EPHB1: variants seen among roughly 807,000 people sequenced by gnomAD.
EPHB1 encodes the protein EPH receptor B1.
In EPHB1, 30 loss-of-function variants were observed where a neutral mutation model predicts 94.4. That is an observed-to-expected ratio of 0.32 (90% CI 0.24 to 0.43). EPHB1 has a LOEUF of 0.43. Among genes scored for constraint, EPHB1 ranks in the 20% least tolerant of loss-of-function variants. The pLI, the probability that EPHB1 is intolerant of heterozygous loss-of-function variation, is 1.00. For missense variants in EPHB1, 1,055 were observed against 1,308.3 expected (o/e 0.81, Z 2.99); for synonymous variants, 522 against 489.1 (o/e 1.07, Z -0.89).
intron 1 of EPHB1, among the ~76,000 whole-genome samples, chr3:134,912,001 G>C (rs914735598): frequency 1.3e-5 from 2 of 152,210 alleles, no homozygotes; most frequent in Non-Finnish European, 2.9e-5. Flanking sequence ...AGGACTGAGG[G>C]CCCAGGAGGG....
chr3:134,827,363 G>GCACACACA (rs61002729), intron 1 of EPHB1, among the ~76,000 whole-genome samples: 3 of 150,770 alleles, frequency 2.0e-5, no homozygotes, highest in African/African-American at 4.9e-5. Context: ...GGGTGCGCGT[G>GCACACACA]CACACACACA....
At chr3:134,978,017 G>A (rs1235018315) in intron 3 of EPHB1, 1 of 455,356 alleles carries the variant, frequency 2.2e-6, no homozygotes, top group Admixed American at 2.4e-5. Context: ...CATTGGAGGA[G>A]CCTGGTATTT....
At chr3:134,893,228 T>C (rs1391891845) in intron 1 of EPHB1, among the ~76,000 whole-genome samples, 1 of 152,166 alleles carries the variant, frequency 6.6e-6, no homozygotes, top group Non-Finnish European at 1.5e-5. Flanking sequence ...TATAAAACCT[T>C]TTTTGTTTGT....
intron 3 of EPHB1, among the ~76,000 whole-genome samples, chr3:135,005,831 C>T (rs1165794238): frequency 3.5e-4 from 53 of 152,316 alleles, no homozygotes; most frequent in Non-Finnish European, 6.5e-4. Flanking sequence ...GCACGGTGCA[C>T]GCACCCACTG....
chr3:135,192,784 A>C lies in EPHB1; in HGVS notation c.2091A>C (p.Thr697=). 1 of 1,614,184 alleles carries C rather than the reference A, an allele frequency of 6.2e-7. No individual in the cohort carries two copies. Among genetic ancestry groups the C allele is most frequent in the Non-Finnish European group, 8.5e-7 (1 of 1,180,022 alleles). The change falls in exon 11 of 16, where the codon ACA becomes ACC. Residue 697 remains threonine (T), a synonymous_variant. Transcript: ENST00000398015. ...VTKSRPVMII[T]EFMENGALDS... ...AGAGTCGGCCTGTCATGATCATCACAGAGTTCATGGAGAATGGTGCATTGG... is the reference window on the plus strand; with the variant it reads ...AGAGTCGGCCTGTCATGATCATCACCGAGTTCATGGAGAATGGTGCATTGG...
At chr3:134,904,549 T>C (rs1399685523) in intron 1 of EPHB1, among the ~76,000 whole-genome samples, 1 of 152,080 alleles carries the variant, frequency 6.6e-6, no homozygotes, top group Non-Finnish European at 1.5e-5. Context: ...CCCACAGTTT[T>C]TGGGGCTTTA....
chr3:135,252,296 T>C (rs1309180920), intron 15 of EPHB1, among the ~76,000 whole-genome samples: 9 of 151,288 alleles, frequency 5.9e-5, no homozygotes, highest in African/African-American at 1.7e-4. Context: ...ACATGTGCCA[T>C]GCTGGTGCGC....
At chr3:134,985,226 T>G (rs1432100158) in intron 3 of EPHB1, among the ~76,000 whole-genome samples, 4 of 152,150 alleles carry the variant, frequency 2.6e-5, no homozygotes, top group Non-Finnish European at 2.9e-5. Context: ...CGATCTCAGC[T>G]CACTGCAACC....
chr3:134,806,425 G>A (rs2036043508), intron 1 of EPHB1, among the ~76,000 whole-genome samples: 2 of 152,194 alleles, frequency 1.3e-5, no homozygotes, highest in African/African-American at 2.4e-5. Flanking sequence ...GCCAGCATGA[G>A]AGGCCAAGTG....
chr3:135,097,374 T>A (rs77770128), intron 3 of EPHB1, among the ~76,000 whole-genome samples: 209 of 152,124 alleles, frequency 1.4e-3, no homozygotes, highest in African/African-American at 4.8e-3. Flanking sequence ...TAGCACAGCC[T>A]CCTACAACCA....
At chr3:134,878,949 T>G (rs1308093920) in intron 1 of EPHB1, among the ~76,000 whole-genome samples, 2 of 152,230 alleles carry the variant, frequency 1.3e-5, no homozygotes, top group African/African-American at 4.8e-5. Context: ...AATAAGTGTT[T>G]GAGAGGTGTT....
chr3:134,842,352 C>G (rs2036792716), intron 1 of EPHB1, among the ~76,000 whole-genome samples: 1 of 152,126 alleles, frequency 6.6e-6, no homozygotes, highest in South Asian at 2.1e-4. Context: ...CAGATAAAGA[C>G]AGTTGGGCTC....
At chr3:135,036,904 G>A (rs1445238453) in intron 3 of EPHB1, among the ~76,000 whole-genome samples, 1 of 152,162 alleles carries the variant, frequency 6.6e-6, no homozygotes, top group African/African-American at 2.4e-5. Flanking sequence ...TCCTGATGTG[G>A]CTATTAGGAC....
chr3:135,128,109 A>C (rs1940276700), intron 4 of EPHB1, among the ~76,000 whole-genome samples: 1 of 152,234 alleles, frequency 6.6e-6, no homozygotes, highest in Non-Finnish European at 1.5e-5. Context: ...AAGAGCATGG[A>C]GCTTAGACGG....
intron 9 of EPHB1, among the ~76,000 whole-genome samples, chr3:135,171,079 G>A (rs1363375235): frequency 6.6e-6 from 1 of 152,142 alleles, no homozygotes; most frequent in Non-Finnish European, 1.5e-5. Flanking sequence ...CTTGATCCCT[G>A]CCAAACACTT....
intron 13 of EPHB1, among the ~76,000 whole-genome samples, chr3:135,245,842 C>G (rs1157233877): frequency 6.7e-6 from 1 of 149,316 alleles, no homozygotes; most frequent in Non-Finnish European, 1.5e-5. Flanking sequence ...CAATGAGATG[C>G]CATGATGCCA....
chr3:134,900,663 G>A (rs2038181082), intron 1 of EPHB1, among the ~76,000 whole-genome samples: 1 of 152,162 alleles, frequency 6.6e-6, no homozygotes, highest in Non-Finnish European at 1.5e-5. Flanking sequence ...GCAAGTGTGT[G>A]TGGTGTGCAT....
At chr3:135,160,863 A>C (rs992298331) in intron 6 of EPHB1, among the ~76,000 whole-genome samples, 32 of 152,180 alleles carry the variant, frequency 2.1e-4, no homozygotes, top group African/African-American at 7.7e-4. Flanking sequence ...GGAGCCCTGG[A>C]GAGAGGCATT....
At chr3:135,084,425 G>A (rs920800551) in intron 3 of EPHB1, among the ~76,000 whole-genome samples, 5 of 152,302 alleles carry the variant, frequency 3.3e-5, no homozygotes, top group Middle Eastern at 6.8e-3. Flanking sequence ...TGAGGTCAGG[G>A]CATGAGAAGC....
Sources: allele counts gnomAD v4.1 joint callset (sites outside exome capture counted in the v4.1 genomes callset), GRCh38; gene constraint gnomAD v4.1.1; transcripts MANE v1.5; gene names NCBI Gene and HGNC (gene_info 2026-07-23, HGNC 2026-07-21).